The following CNTN4 variants were observed in gnomAD, a reference collection of about 807,000 sequenced individuals.
CNTN4 encodes the protein contactin-4.
Under a neutral mutation model 122.5 loss-of-function variants are expected in CNTN4, and 77 were observed. The ratio of observed to expected loss-of-function variants is 0.63; its 90% CI spans 0.52 to 0.76. The LOEUF is 0.76. Among genes scored for constraint, CNTN4 ranks in the 30% least tolerant of loss-of-function variants. CNTN4 has a pLI of 0.00. For synonymous variants in CNTN4, 512 were observed against 447.0 expected, an observed-to-expected ratio of 1.15 and a Z score of -1.83; for missense variants, 1,256 against 1,259.1, an observed-to-expected ratio of 1.00 and a Z score of 0.04.
intron 2 of CNTN4, among the ~76,000 whole-genome samples, chr3:2,319,918 A>G (rs112598190): frequency 0.019 from 2,860 of 152,280 alleles, 84 homozygotes; most frequent in African/African-American, 0.066. Context: ...ATAGCCTTTA[A>G]CAATTTTAAA....
intron 2 of CNTN4, among the ~76,000 whole-genome samples, chr3:2,135,582 A>AT (rs2034651981): frequency 1.3e-5 from 2 of 151,506 alleles, no homozygotes; most frequent in South Asian, 4.1e-4. Flanking sequence ...ATCAGCGCAT[A>AT]TTTGTTGTAT....
At chr3:2,604,474 A>G (rs1264522157) in intron 4 of CNTN4, among the ~76,000 whole-genome samples, 1 of 152,226 alleles carries the variant, frequency 6.6e-6, no homozygotes, top group Non-Finnish European at 1.5e-5. Flanking sequence ...ATTGACAATC[A>G]GCAAAATAGA....
intron 4 of CNTN4, among the ~76,000 whole-genome samples, chr3:2,689,918 G>A (rs1175067704): frequency 5.9e-5 from 9 of 152,068 alleles, no homozygotes; most frequent in Admixed American, 5.9e-4. Context: ...TGTGAGGTAG[G>A]GGCGTGTGTG....
intron 3 of CNTN4, among the ~76,000 whole-genome samples, chr3:2,413,375 G>A (rs1486435223): frequency 8.5e-5 from 13 of 152,152 alleles, no homozygotes; most frequent in Non-Finnish European, 2.9e-5. Flanking sequence ...TCAAATTTCT[G>A]TTCTTGAAGC....
At chr3:2,508,737 G>C (rs1386311535) in intron 3 of CNTN4, among the ~76,000 whole-genome samples, 1 of 152,108 alleles carries the variant, frequency 6.6e-6, no homozygotes, top group East Asian at 1.9e-4. Flanking sequence ...AAAATAGCAG[G>C]TTCTACTGTC....
At position 2,769,591 on chromosome 3, in the gene CNTN4, G is replaced by A. The variant is rs1276254893; in HGVS notation, c.358+23894G>A. The stretch of plus-strand genomic sequence containing the variant: ...GTTCTGTCTTTTATGTATTGATGAT[G>A]GTAGAAAATTGTGGTGGTACTGGTG... On this transcript the variant is annotated intron_variant, in intron 6 of 24. Coordinates refer to ENST00000418658, the MANE Select transcript of CNTN4 (RefSeq NM_175607.3). Among the ~76,000 whole-genome samples, 4 of 152,234 alleles carry A rather than the reference G, an allele frequency of 2.6e-5. No homozygotes were observed. The East Asian group carries it at 7.7e-4, about 29-fold the overall frequency.
intron 14 of CNTN4, among the ~76,000 whole-genome samples, chr3:3,019,057 T>C (rs1418242960): frequency 6.6e-6 from 1 of 152,134 alleles, no homozygotes; most frequent in Non-Finnish European, 1.5e-5. Flanking sequence ...TATCCTAATG[T>C]AAGTAAGTAT....
At chr3:2,978,998 T>C (rs1693695136) in intron 13 of CNTN4, among the ~76,000 whole-genome samples, 1 of 152,248 alleles carries the variant, frequency 6.6e-6, no homozygotes, top group East Asian at 1.9e-4. Context: ...GCCTTAAGTA[T>C]ACCACTTCAC....
intron 20 of CNTN4, among the ~76,000 whole-genome samples, chr3:3,041,862 A>T: frequency 6.6e-6 from 1 of 152,162 alleles, no homozygotes; most frequent in East Asian, 1.9e-4. Flanking sequence ...TGGGAGGCTG[A>T]GGCGGGAGGA....
chr3:2,196,563 C>A (rs1434684901), intron 2 of CNTN4, among the ~76,000 whole-genome samples: 1 of 152,076 alleles, frequency 6.6e-6, no homozygotes, highest in East Asian at 1.9e-4. Context: ...TTATTTTCCA[C>A]AATTTTTGTT....
intron 3 of CNTN4, among the ~76,000 whole-genome samples, chr3:2,462,745 G>A (rs2049275662): frequency 6.6e-6 from 1 of 152,136 alleles, no homozygotes. Context: ...ATCTTCAACT[G>A]TGTGAATCTT....
In CNTN4 at chr3:2,245,038, G is replaced by A. The variant is rs565393123; in HGVS notation, c.-144-94140G>A. On this transcript the variant is annotated intron_variant, in intron 2 of 24. Coordinates refer to ENST00000418658, the MANE Select transcript of CNTN4 (RefSeq NM_175607.3). The stretch of plus-strand genomic sequence containing the variant: ...TCAAATAAACGGAGAAATACTGTCC[G>A]TCTTCCATAATAGATACAATGGATG... Among the ~76,000 whole-genome samples the A allele has an allele frequency of 3.9e-5, 6 of 151,966 alleles. No individual in the cohort carries two copies. In the East Asian group the frequency reaches 7.7e-4, roughly 20 times the overall value.
intron 6 of CNTN4, among the ~76,000 whole-genome samples, chr3:2,754,891 A>G (rs1315302605): frequency 6.6e-6 from 1 of 152,184 alleles, no homozygotes; most frequent in Non-Finnish European, 1.5e-5. Flanking sequence ...ATAAACAGCA[A>G]CTGATTAGAT....
intron 3 of CNTN4, among the ~76,000 whole-genome samples, chr3:2,523,411 A>C (rs1375350269): frequency 6.6e-6 from 1 of 151,216 alleles, no homozygotes; most frequent in Admixed American, 6.6e-5. Flanking sequence ...GACAGCTGTC[A>C]TGGGAATGGG....
chr3:2,730,129 G>T (rs1037419871), intron 4 of CNTN4, among the ~76,000 whole-genome samples: 1 of 152,028 alleles, frequency 6.6e-6, no homozygotes. Flanking sequence ...GGTTTTTTGT[G>T]GGGGGTGGCA....
At chr3:2,708,392 T>A (rs1212380319) in intron 4 of CNTN4, among the ~76,000 whole-genome samples, 1 of 152,142 alleles carries the variant, frequency 6.6e-6, no homozygotes, top group African/African-American at 2.4e-5. Flanking sequence ...GAAATGATTA[T>A]AATTATCTGG....
intron 2 of CNTN4, among the ~76,000 whole-genome samples, chr3:2,104,490 G>C (rs2032271451): frequency 6.6e-6 from 1 of 152,160 alleles, no homozygotes; most frequent in African/African-American, 2.4e-5. Flanking sequence ...GTCATTCAGG[G>C]AATCAGGTTC....
intron 2 of CNTN4, among the ~76,000 whole-genome samples, chr3:2,193,176 G>A (rs2037667435): frequency 6.6e-6 from 1 of 152,026 alleles, no homozygotes; most frequent in Non-Finnish European, 1.5e-5. Context: ...ACTTCAAGCT[G>A]TACCCCCTTA....
At chr3:2,970,267 T>A (rs2125091254) in intron 13 of CNTN4, among the ~76,000 whole-genome samples, 1 of 151,720 alleles carries the variant, frequency 6.6e-6, no homozygotes, top group African/African-American at 2.4e-5. Flanking sequence ...GCCGATTCTT[T>A]CATATTTTTT....
Sources: allele counts gnomAD v4.1 joint callset (sites outside exome capture counted in the v4.1 genomes callset), GRCh38; gene constraint gnomAD v4.1.1; transcripts MANE v1.5; gene names NCBI Gene and HGNC (gene_info 2026-07-23, HGNC 2026-07-21).